BICD1: variants seen among roughly 807,000 people sequenced by gnomAD.
BICD1 encodes the protein protein bicaudal D homolog 1.
Under a neutral mutation model 92.5 loss-of-function variants are expected in BICD1, and 35 were observed. The ratio of observed to expected loss-of-function variants is 0.38; its 90% confidence interval spans 0.29 to 0.50. The LOEUF is 0.50. Among genes scored for constraint, BICD1 ranks in the 20% least tolerant of loss-of-function variants. BICD1 has a pLI of 0.93. For missense variants in BICD1, 950 were observed against 1,189.8 expected (o/e 0.80, Z 2.97); for synonymous variants, 429 against 465.1 (o/e 0.92, Z 1.00).
intron 1 of BICD1, among the ~76,000 whole-genome samples, chr12:32,198,260 A>G (rs915099072): frequency 2.7e-5 from 4 of 149,166 alleles, no homozygotes; most frequent in Admixed American, 6.8e-5. Flanking sequence ...AAATACCCTT[A>G]AAGTTTTTAC....
At chr12:32,351,174 A>AAC (rs112330744) in intron 8 of BICD1, among the ~76,000 whole-genome samples, 9,339 of 151,322 alleles carry the variant, frequency 0.062, 345 homozygotes, top group South Asian at 0.13. Context: ...TAAAAAAAAA[A>AAC]AAAAAACTTC....
intron 1 of BICD1, among the ~76,000 whole-genome samples, chr12:32,144,309 T>G (rs1943040386): frequency 6.6e-6 from 1 of 152,220 alleles, no homozygotes; most frequent in African/African-American, 2.4e-5. Flanking sequence ...ATATAGAGGC[T>G]TGAGTTCTTA....
chr12:32,278,575 C>T (rs1040993334), intron 2 of BICD1, among the ~76,000 whole-genome samples: 26 of 152,184 alleles, frequency 1.7e-4, no homozygotes, highest in Non-Finnish European at 7.3e-5. Flanking sequence ...ACTAGCAGCC[C>T]GGGCGAGGTG....
chr12:32,356,548 G>A (rs1015078610), intron 8 of BICD1, among the ~76,000 whole-genome samples: 1 of 151,934 alleles, frequency 6.6e-6, no homozygotes. Context: ...TGGGAGGATC[G>A]CCTGAACCCG....
chr12:32,368,464 G>T (rs1471033642), intron 9 of BICD1, among the ~76,000 whole-genome samples: 1 of 152,230 alleles, frequency 6.6e-6, no homozygotes, highest in Non-Finnish European at 1.5e-5. Flanking sequence ...GAAGGCCGAG[G>T]CAGAGGGATT....
chr12:32,355,695 G>A (rs1939067978), intron 8 of BICD1, among the ~76,000 whole-genome samples: 1 of 151,930 alleles, frequency 6.6e-6, no homozygotes, highest in African/African-American at 2.4e-5. Flanking sequence ...CCAGCTACTC[G>A]GGAGGCTGAG....
Position 32,107,490 on chromosome 12 carries a change from T to A in BICD1, c.159T>A (p.Asp53Glu), listed in dbSNP as rs115927890. The A allele has an allele frequency of 1.9e-6, 3 of 1,608,496 alleles. No homozygotes were observed. Among genetic ancestry groups the A allele is most frequent in the African/African-American group, 2.7e-5 (2 of 74,920 alleles). ...AGCTGACCCTCAAACAGCAGTATGA[T>A]GAACTGGAGGCTGAGTACGACAGCC... is the stretch of plus-strand genomic sequence containing the variant. ...EEKLTLKQQY[D>E]ELEAEYDSLK... The change falls in exon 1 of 10, where the codon GAT becomes GAA. Residue 53 changes from aspartate to glutamate, a missense_variant. Asp to Glu is a conservative substitution (Grantham distance 45). This residue lies in a region of BICD1 where 202 missense variants were observed against 205.3 expected (regional missense o/e 0.98). Coordinates refer to ENST00000652176, the MANE Select transcript of BICD1 (RefSeq NM_001714.4).
chr12:32,140,893 C>T (rs368908878), intron 1 of BICD1, among the ~76,000 whole-genome samples: 1 of 152,032 alleles, frequency 6.6e-6, no homozygotes, highest in Non-Finnish European at 1.5e-5. Context: ...GGAAATGCGG[C>T]GACTTAGGTT....
At position 32,117,711 on chromosome 12, in the gene BICD1, T is replaced by TATACACAC. The variant is rs1555126355; in HGVS notation, c.213+10168_213+10169insTACACACA. The stretch of plus-strand genomic sequence containing the variant: ...ATATATATATATACACAAATATATA[T>TATACACAC]ACACACACACACACACACACACACA... On this transcript the variant is annotated intron_variant, in intron 1 of 9. Coordinates refer to ENST00000652176, the MANE Select transcript of BICD1 (RefSeq NM_001714.4). Among the ~76,000 whole-genome samples the TATACACAC allele has an allele frequency of 2.6e-3, 303 of 117,008 alleles. 1 individual carries two copies. Among genetic ancestry groups the TATACACAC allele is most frequent in the East Asian group, 0.018 (64 of 3,570 alleles). 76.8% of individuals were successfully genotyped at this position (117,008 alleles called of 152,430 possible).
rs5797471 is a variant in BICD1, at chr12:32,338,638, T to TAAA, written c.2571-137_2571-135dup. On this transcript the variant is annotated intron_variant, in intron 7 of 9. Coordinates refer to ENST00000652176, the MANE Select transcript of BICD1 (RefSeq NM_001714.4). ...TAGGGTTGTATCCTGATGTGGAAAC[T>TAAA]AAAAAAAAAAAAAGCAAAAAGATTG... is the stretch of plus-strand genomic sequence containing the variant. The TAAA allele has an allele frequency of 3.4e-3, 1,985 of 579,400 alleles. 19 individuals are homozygous for TAAA. Among genetic ancestry groups the TAAA allele is most frequent in the African/African-American group, 0.028 (1,293 of 46,892 alleles). 35.9% of individuals were successfully genotyped at this position (579,400 alleles called of 1,614,324 possible).
chr12:32,120,867 TAGAGAGAGAGAG>T lies in BICD1; in HGVS notation c.213+13341_213+13352del, dbSNP rs144690164. 1.1e-3 allele frequency among the ~76,000 whole-genome samples: 93 copies of T among 83,468 alleles called. 3 individuals are homozygous for T. In the East Asian group the frequency reaches 0.014, roughly 13 times the overall value. 54.8% of individuals were successfully genotyped at this position (83,468 alleles called of 152,430 possible). On this transcript the variant is annotated intron_variant, in intron 1 of 9. Coordinates refer to ENST00000652176, the MANE Select transcript of BICD1 (RefSeq NM_001714.4). ...AAATATAGGAAGGAAAATCAACCAT[TAGAGAGAGAGAG>T]AGAGAGAGAGAGAGAGAAAAAAAAA...
At position 32,144,234 on chromosome 12, in the gene BICD1, C is replaced by A. The variant is rs966356750; in HGVS notation, c.213+36690C>A. On this transcript the variant is annotated intron_variant, in intron 1 of 9. Coordinates refer to ENST00000652176, the MANE Select transcript of BICD1 (RefSeq NM_001714.4). ...TGTCTTTCATAATTAGTTCTTTAAC[C>A]CTTCATAACTTTGAGTATATAAATT... Among the ~76,000 whole-genome samples the A allele has an allele frequency of 3.3e-5, 5 of 152,120 alleles. 1 individual carries two copies. Among genetic ancestry groups the A allele is most frequent in the Admixed American group, 1.3e-4 (2 of 15,278 alleles).
chr12:32,339,502 G>A, intron 8 of BICD1: 1 of 985,400 alleles, frequency 1.0e-6, no homozygotes, highest in South Asian at 4.7e-5. Flanking sequence ...TTAGTATAAT[G>A]TTCTTGTAGA....
intron 4 of BICD1, among the ~76,000 whole-genome samples, chr12:32,317,778 T>C (rs1724899947): frequency 6.6e-6 from 1 of 152,164 alleles, no homozygotes; most frequent in South Asian, 2.1e-4. Context: ...AGACATGAAG[T>C]CCTTGCCCGT....
At chr12:32,213,482 G>A (rs1406484988) in intron 1 of BICD1, among the ~76,000 whole-genome samples, 7 of 152,212 alleles carry the variant, frequency 4.6e-5, no homozygotes, top group Admixed American at 1.3e-4. Context: ...TGCAACCTCC[G>A]TCTCTCGGGT....
intron 4 of BICD1, among the ~76,000 whole-genome samples, chr12:32,324,490 C>A (rs991412262): frequency 5.9e-5 from 9 of 152,214 alleles, no homozygotes; most frequent in African/African-American, 2.2e-4. Context: ...CTGGAAATAT[C>A]TTTGTGAGTA....
At chr12:32,133,283 T>A (rs180757273) in intron 1 of BICD1, among the ~76,000 whole-genome samples, 17 of 151,674 alleles carry the variant, frequency 1.1e-4, no homozygotes, top group African/African-American at 3.6e-4. Context: ...AGGTCAGGAG[T>A]TTGAGACCAG....
intron 8 of BICD1, among the ~76,000 whole-genome samples, chr12:32,347,685 A>ATCTCTTATT (rs1268964981): frequency 6.6e-6 from 1 of 151,900 alleles, no homozygotes; most frequent in Non-Finnish European, 1.5e-5. Flanking sequence ...CTTTTCATAC[A>ATCTCTTATT]TCTCTTATTT....
At chr12:32,330,665 G>A (rs889435714) in intron 5 of BICD1, among the ~76,000 whole-genome samples, 2 of 151,570 alleles carry the variant, frequency 1.3e-5, no homozygotes, top group African/African-American at 4.8e-5. Flanking sequence ...ATTTTAGGTC[G>A]GAATAAAGGA....
Sources: gnomAD v4.1 joint callset for allele counts (sites outside exome capture counted in the v4.1 genomes callset) on GRCh38, gnomAD v4.1.1 for gene constraint, gnomAD v4.1.1 regional missense constraint, MANE v1.5 for transcripts, NCBI Gene and HGNC (gene_info 2026-07-23, HGNC 2026-07-21) for gene names.